Variants in TCF7L2 observed in about 807,000 individuals in gnomAD.
TCF7L2 encodes the protein transcription factor 7-like 2.
Under a neutral mutation model 77.9 loss-of-function variants are expected in TCF7L2, and 23 were observed. The ratio of observed to expected loss-of-function variants is 0.30; its 90% CI spans 0.21 to 0.42. The LOEUF is 0.42. Ranked by LOEUF, TCF7L2 falls within the 10% of genes least tolerant of loss-of-function variation. The pLI, the probability that TCF7L2 is intolerant of heterozygous loss-of-function variation, is 1.00. For synonymous variants in TCF7L2, 413 were observed against 340.2 expected, an observed-to-expected ratio of 1.21 and a Z score of -2.36; for missense variants, 654 against 793.1, an observed-to-expected ratio of 0.82 and a Z score of 2.11.
At chr10:113,099,888 C>T (rs1409850916) in intron 5 of TCF7L2, among the ~76,000 whole-genome samples, 1 of 152,142 alleles carries the variant, frequency 6.6e-6, no homozygotes, top group African/African-American at 2.4e-5. Context: ...ATCCAGAACA[C>T]AGTTGTAGCT....
chr10:113,107,712 C>T (rs904111650), intron 5 of TCF7L2, among the ~76,000 whole-genome samples: 1 of 138,862 alleles, frequency 7.2e-6, no homozygotes, highest in Non-Finnish European at 1.5e-5. Context: ...CGAGATCGCA[C>T]CAGTGCACTC....
intron 5 of TCF7L2, among the ~76,000 whole-genome samples, chr10:113,105,716 T>A (rs1368528384): frequency 6.6e-6 from 1 of 152,202 alleles, no homozygotes; most frequent in African/African-American, 2.4e-5. Flanking sequence ...AGATCCTGTC[T>A]GCCAGAAGCA....
intron 5 of TCF7L2, among the ~76,000 whole-genome samples, chr10:113,049,288 C>T (rs1040501953): frequency 2.6e-5 from 4 of 152,008 alleles, no homozygotes; most frequent in Non-Finnish European, 5.9e-5. Context: ...GTCTTTAGTG[C>T]ACTCTCTCCC....
chr10:113,062,097 G>A (rs1229966316), intron 5 of TCF7L2, among the ~76,000 whole-genome samples: 2 of 152,116 alleles, frequency 1.3e-5, no homozygotes, highest in Non-Finnish European at 2.9e-5. Flanking sequence ...GACTGGAATC[G>A]CTTGGACATA....
chr10:112,978,436 T>A (rs1333093851), intron 4 of TCF7L2, among the ~76,000 whole-genome samples: 2 of 151,940 alleles, frequency 1.3e-5, no homozygotes, highest in Non-Finnish European at 2.9e-5. Context: ...CTCATAGTAG[T>A]CTTTTTTGGC....
At chr10:113,005,389 G>T (rs895632519) in intron 4 of TCF7L2, among the ~76,000 whole-genome samples, 1 of 152,158 alleles carries the variant, frequency 6.6e-6, no homozygotes, top group African/African-American at 2.4e-5. Context: ...CCATCTTGCT[G>T]GTCTTAAATT....
intron 5 of TCF7L2, among the ~76,000 whole-genome samples, chr10:113,113,743 A>G (rs1591853068): frequency 6.6e-6 from 1 of 152,212 alleles, no homozygotes; most frequent in East Asian, 1.9e-4. Context: ...GAGATAAATA[A>G]TGACGTTTGG....
At chr10:113,125,426 C>T (rs1027311604) in intron 5 of TCF7L2, 1 of 151,546 alleles carries the variant, frequency 6.6e-6, no homozygotes, top group Non-Finnish European at 1.5e-5. Flanking sequence ...TCATTAAAAG[C>T]GTATTAATCT....
intron 4 of TCF7L2, among the ~76,000 whole-genome samples, chr10:112,966,202 ATATATAT>A (rs2036836524): frequency 1.4e-5 from 2 of 139,336 alleles, no homozygotes; most frequent in Non-Finnish European, 3.0e-5. Flanking sequence ...ATATATATAT[ATATATAT>A]ATTTTCTTTT....
intron 4 of TCF7L2, among the ~76,000 whole-genome samples, chr10:113,009,692 C>T (rs1477685687): frequency 2.0e-5 from 3 of 152,126 alleles, no homozygotes; most frequent in African/African-American, 7.2e-5. Context: ...TTCTTTTTTG[C>T]CCGTACTTAA....
intron 4 of TCF7L2, among the ~76,000 whole-genome samples, chr10:112,977,993 T>G (rs1304860626): frequency 6.6e-6 from 1 of 152,212 alleles, no homozygotes; most frequent in African/African-American, 2.4e-5. Flanking sequence ...GAGGTTCCCT[T>G]TCTCTATTTC....
chr10:113,104,213 G>C (rs1195352570), intron 5 of TCF7L2, among the ~76,000 whole-genome samples: 2 of 152,178 alleles, frequency 1.3e-5, no homozygotes, highest in African/African-American at 4.8e-5. Flanking sequence ...CTTTGTTAAA[G>C]GAGGAACATC....
At chr10:113,108,616 A>G (rs907553356) in intron 5 of TCF7L2, among the ~76,000 whole-genome samples, 2 of 152,052 alleles carry the variant, frequency 1.3e-5, no homozygotes, top group East Asian at 3.9e-4. Context: ...CTAGCCTGAG[A>G]GGTTGGGCAA....
chr10:113,010,359 A>G (rs2046250446), intron 4 of TCF7L2, among the ~76,000 whole-genome samples: 1 of 152,174 alleles, frequency 6.6e-6, no homozygotes, highest in East Asian at 1.9e-4. Flanking sequence ...TAAAAATGCC[A>G]ATGCCCGGGG....
chr10:113,102,701 C>A (rs1055992486), intron 5 of TCF7L2, among the ~76,000 whole-genome samples: 2 of 152,128 alleles, frequency 1.3e-5, no homozygotes, highest in Admixed American at 6.5e-5. Context: ...ACTGGGATTA[C>A]AGGCATGAGC....
chr10:113,165,402 G>C (rs1429480844), intron 13 of TCF7L2, among the ~76,000 whole-genome samples, 153 bp from the exon 15 acceptor site: 1 of 152,072 alleles, frequency 6.6e-6, no homozygotes, highest in East Asian at 1.9e-4. Context: ...CCCACCCTGG[G>C]GGGGCGCCAC....
rs558030991 is a variant in TCF7L2 at position 112,952,864 on chromosome 10, C to T, written c.381+1257C>T. Among the ~76,000 whole-genome samples the T allele has an allele frequency of 3.4e-3, 511 of 150,442 alleles. 5 individuals carry two copies. Among genetic ancestry groups the T allele is most frequent in the Non-Finnish European group, 4.1e-3 (273 of 67,390 alleles). On this transcript the variant is annotated intron_variant, in intron 3 of 13. Coordinates refer to ENST00000627217, the MANE Select transcript of TCF7L2 (RefSeq NM_001146274.2). The stretch of plus-strand genomic sequence containing the variant: ...CCCCTGCCCTCACCCTGAACCCCCT[C>T]CTCCTCATCCCTCCCTCCCTCTTCT...
At chr10:113,144,402 T>G (rs781744489) in intron 7 of TCF7L2, among the ~76,000 whole-genome samples, 8 of 152,184 alleles carry the variant, frequency 5.3e-5, no homozygotes, top group Non-Finnish European at 1.0e-4. Context: ...CTGCCCAAAC[T>G]GCAGTCATGT....
intron 13 of TCF7L2, chr10:113,161,601 A>G (rs982067325): frequency 6.5e-7 from 1 of 1,536,080 alleles, no homozygotes; most frequent in Non-Finnish European, 8.7e-7. Flanking sequence ...GAATATTACA[A>G]TGGTAGGTAT....
Sources: gnomAD v4.1 joint callset for allele counts (sites outside exome capture counted in the v4.1 genomes callset) on GRCh38, gnomAD v4.1.1 for gene constraint, MANE v1.5 for transcripts, NCBI Gene and HGNC (gene_info 2026-07-23, HGNC 2026-07-21) for gene names.